Variants in CC2D2B observed in about 807,000 individuals in gnomAD.
CC2D2B encodes the protein coiled-coil and C2 domain containing 2B, also known as protein CC2D2B.
In CC2D2B, 128 loss-of-function variants were observed where a neutral mutation model predicts 161.2. The ratio of observed to expected loss-of-function variants is 0.79; its 90% CI spans 0.69 to 0.92. The LOEUF is 0.92. Among genes scored for constraint, CC2D2B ranks in the 40% least tolerant of loss-of-function variants. The pLI, the probability that CC2D2B is intolerant of heterozygous loss-of-function variation, is 0.00. For missense variants in CC2D2B, 1,173 were observed against 1,375.1 expected (o/e 0.85, Z 2.32); for synonymous variants, 391 against 449.8 (o/e 0.87, Z 1.65).
At chr10:95,939,537 GT>G (rs1451928347) in intron 9 of CC2D2B, among the ~76,000 whole-genome samples, 1 of 152,134 alleles carries the variant, frequency 6.6e-6, no homozygotes, top group African/African-American at 2.4e-5. Flanking sequence ...GTTTGTATAT[GT>G]TTAGTTTTAC....
chr10:96,031,198 C>A (rs2080052546), intron 34 of CC2D2B, among the ~76,000 whole-genome samples: 1 of 152,010 alleles, frequency 6.6e-6, no homozygotes, highest in African/African-American at 2.4e-5. Context: ...TAGAGAGAGA[C>A]CAGAAAACAG....
chr10:95,939,471 T>C (rs921938177), intron 9 of CC2D2B, among the ~76,000 whole-genome samples: 1 of 136,466 alleles, frequency 7.3e-6, no homozygotes, highest in African/African-American at 2.5e-5. Flanking sequence ...CTGATAACTG[T>C]GTGTGTATGC....
chr10:95,940,295 C>T (rs1362838064), intron 9 of CC2D2B, among the ~76,000 whole-genome samples: 1 of 152,268 alleles, frequency 6.6e-6, no homozygotes, highest in East Asian at 1.9e-4. Flanking sequence ...GCCCCACCTC[C>T]AACATTGGGG....
chr10:96,013,337 G>A (rs1367925492), intron 28 of CC2D2B, among the ~76,000 whole-genome samples: 4 of 148,738 alleles, frequency 2.7e-5, no homozygotes, highest in Admixed American at 6.7e-5. Context: ...TTATAATAAA[G>A]TTATATTCAC....
chr10:95,994,798 A>G (rs1811646927), intron 22 of CC2D2B, among the ~76,000 whole-genome samples: 1 of 152,234 alleles, frequency 6.6e-6, no homozygotes, highest in African/African-American at 2.4e-5. Flanking sequence ...TTAAAAGCTA[A>G]TGATTAATAA....
chr10:95,915,411 G>C (rs534598930), intron 2 of CC2D2B, among the ~76,000 whole-genome samples: 1 of 152,074 alleles, frequency 6.6e-6, no homozygotes, highest in East Asian at 1.9e-4. Context: ...TCTTTCGTCT[G>C]ATTGCTCTAG....
At chr10:95,999,764 T>C (rs1312629764) in intron 24 of CC2D2B, 1 of 244,318 alleles carries the variant, frequency 4.1e-6, no homozygotes, top group Non-Finnish European at 8.0e-6. Flanking sequence ...TTTTTTTTTT[T>C]TAACACCAAT....
At chr10:95,974,619 T>C (rs2077251543) in intron 17 of CC2D2B, among the ~76,000 whole-genome samples, 1 of 152,210 alleles carries the variant, frequency 6.6e-6, no homozygotes, top group South Asian at 2.1e-4. Flanking sequence ...GCTTCCATAA[T>C]GTGCTATGTT....
chr10:95,981,861 T>G (rs1026789936), intron 17 of CC2D2B, 114 bp from the exon 18 acceptor site: 1 of 523,186 alleles, frequency 1.9e-6, no homozygotes, highest in South Asian at 1.1e-4. Context: ...ATGGATAAAT[T>G]TTATCTTCAA....
intron 32 of CC2D2B, chr10:96,020,097 A>T (rs1438422248): frequency 1.0e-5 from 3 of 288,274 alleles, no homozygotes; most frequent in Non-Finnish European, 1.9e-5. Context: ...ATAACATATA[A>T]TGTTCAAGAT....
At chr10:95,964,156 C>G (rs2076861489) in intron 12 of CC2D2B, among the ~76,000 whole-genome samples, 1 of 152,118 alleles carries the variant, frequency 6.6e-6, no homozygotes, top group South Asian at 2.1e-4. Context: ...GCAGGAAATG[C>G]AACAACATTT....
intron 34 of CC2D2B, among the ~76,000 whole-genome samples, chr10:96,027,642 C>T (rs1346070207): frequency 2.6e-5 from 4 of 152,030 alleles, no homozygotes; most frequent in Non-Finnish European, 5.9e-5. Context: ...AAAAACAATC[C>T]TAAAATTTAT....
chr10:95,966,942 T>G (rs1487617479), intron 14 of CC2D2B, among the ~76,000 whole-genome samples: 1 of 152,080 alleles, frequency 6.6e-6, no homozygotes, highest in Non-Finnish European at 1.5e-5. Flanking sequence ...CCCATCTCCC[T>G]TAAAGAGGAT....
At chr10:96,028,156 CCTT>C (rs895907450) in intron 34 of CC2D2B, among the ~76,000 whole-genome samples, 1 of 152,086 alleles carries the variant, frequency 6.6e-6, no homozygotes, top group African/African-American at 2.4e-5. Context: ...AAGTTAAAAA[CCTT>C]CGGCACAGCA....
intron 29 of CC2D2B, among the ~76,000 whole-genome samples, chr10:96,014,321 C>A (rs549552091): frequency 2.6e-5 from 4 of 152,138 alleles, no homozygotes; most frequent in Admixed American, 2.6e-4. Context: ...AAAATACAGG[C>A]CCCATGCAAT....
chr10:95,963,708 G>A (rs1028239532), intron 12 of CC2D2B, among the ~76,000 whole-genome samples: 2 of 152,168 alleles, frequency 1.3e-5, no homozygotes, highest in African/African-American at 2.4e-5. Flanking sequence ...GGAAACAGGA[G>A]TATTTTAAGT....
At chr10:95,992,378 C>A in intron 21 of CC2D2B, 149 bp from the exon 22 acceptor site, 1 of 559,416 alleles carries the variant, frequency 1.8e-6, no homozygotes, top group Non-Finnish European at 2.7e-6. Flanking sequence ...AAAAATATTT[C>A]TCCTTGAGTT....
Position 96,013,182 on chromosome 10 carries a change from C to T in CC2D2B, c.3426+453C>T, listed in dbSNP as rs1487800634. On this transcript the variant is annotated intron_variant, in intron 28 of 34. Transcript: ENST00000646931. Reference sequence around the variant, plus strand: ...TCAGTTCATGAACTTTCTACGTTAACACATTGTTTATTTGCACCCCTTTCT... The same window carrying T: ...TCAGTTCATGAACTTTCTACGTTAATACATTGTTTATTTGCACCCCTTTCT... Among the ~76,000 whole-genome samples, 3 of 152,114 alleles carry T rather than the reference C, an allele frequency of 2.0e-5. No individual in the cohort carries two copies. The East Asian group carries it at 5.8e-4, about 29-fold the overall frequency.
chr10:96,003,088 A>G (rs2078580910), intron 24 of CC2D2B, among the ~76,000 whole-genome samples: 1 of 150,874 alleles, frequency 6.6e-6, no homozygotes, highest in Non-Finnish European at 1.5e-5. Context: ...AAGAAAAGCT[A>G]TGTCCAGATC....
Sources: gnomAD v4.1 joint callset for allele counts (sites outside exome capture counted in the v4.1 genomes callset) on GRCh38, gnomAD v4.1.1 for gene constraint, MANE v1.5 for transcripts, NCBI Gene and HGNC (gene_info 2026-07-23, HGNC 2026-07-21) for gene names.